Variants in LOC128092253 observed in about 807,000 individuals in gnomAD.
At chr6:133,957,973 C>A in the LOC128092253 span, among the ~76,000 whole-genome samples, 333 of 152,290 alleles carry the variant, frequency 2.2e-3, 8 homozygotes, top group East Asian at 0.047. Context: ...GAAATTCTTT[C>A]TTTCTTTCTG....
At chr6:133,957,414 T>G in the LOC128092253 span, among the ~76,000 whole-genome samples, 1 of 152,238 alleles carries the variant, frequency 6.6e-6, no homozygotes, top group African/African-American at 2.4e-5. Context: ...GACATCTGTG[T>G]GTAGACATTG....
the LOC128092253 span, among the ~76,000 whole-genome samples, chr6:133,974,415 C>T: frequency 6.6e-6 from 1 of 152,154 alleles, no homozygotes; most frequent in African/African-American, 2.4e-5. Context: ...CTCACTGCAA[C>T]CTCCGCCTCC....
chr6:133,962,619 AATATGG>A, the LOC128092253 span, among the ~76,000 whole-genome samples: 1 of 152,168 alleles, frequency 6.6e-6, no homozygotes, highest in East Asian at 1.9e-4. Context: ...GATGATTGGG[AATATGG>A]ATTCAGATAT....
At chr6:133,976,955 G>A in the LOC128092253 span, among the ~76,000 whole-genome samples, 1 of 147,506 alleles carries the variant, frequency 6.8e-6, no homozygotes, top group African/African-American at 2.5e-5. Context: ...GCAACAAAGC[G>A]AGACTTGGTC....
chr6:133,978,160 A>G, the LOC128092253 span, among the ~76,000 whole-genome samples: 4 of 152,208 alleles, frequency 2.6e-5, no homozygotes, highest in Admixed American at 2.6e-4. Flanking sequence ...AGCCTAGCAG[A>G]AAACCTGCTG....
At chr6:133,975,806 A>G in the LOC128092253 span, among the ~76,000 whole-genome samples, 3 of 152,206 alleles carry the variant, frequency 2.0e-5, no homozygotes, top group Non-Finnish European at 4.4e-5. Flanking sequence ...GGAGGATGTG[A>G]TTTGGAAGAA....
At chr6:133,975,773 G>T in the LOC128092253 span, among the ~76,000 whole-genome samples, 3 of 152,298 alleles carry the variant, frequency 2.0e-5, no homozygotes, top group South Asian at 6.2e-4. Context: ...GAAAGTAGAG[G>T]CTTTCTCTGG....
chr6:133,961,387 C>T, the LOC128092253 span, among the ~76,000 whole-genome samples: 1 of 151,942 alleles, frequency 6.6e-6, no homozygotes, highest in Non-Finnish European at 1.5e-5. Flanking sequence ...TGCCCTCTGC[C>T]GGGTTGCTCT....
the LOC128092253 span, among the ~76,000 whole-genome samples, chr6:133,962,041 C>T: frequency 6.6e-6 from 1 of 152,008 alleles, no homozygotes; most frequent in African/African-American, 2.4e-5. Flanking sequence ...TAAAAGTTTC[C>T]TAGTTGAAGG....
the LOC128092253 span, among the ~76,000 whole-genome samples, chr6:133,971,683 C>T: frequency 2.6e-5 from 4 of 151,804 alleles, no homozygotes; most frequent in Non-Finnish European, 5.9e-5. Context: ...CCTTATGATA[C>T]GTGATGTTGA....
At chr6:133,970,665 G>A in the LOC128092253 span, among the ~76,000 whole-genome samples, 116 of 151,078 alleles carry the variant, frequency 7.7e-4, 1 homozygote, top group African/African-American at 2.7e-3. Flanking sequence ...CTGGAATGCC[G>A]TGGTGCCATG....
chr6:133,958,758 A>G, the LOC128092253 span, among the ~76,000 whole-genome samples: 2 of 152,068 alleles, frequency 1.3e-5, no homozygotes. Context: ...TAAAATATAT[A>G]CTATAGAGGT....
chr6:133,973,046 T>C, the LOC128092253 span, among the ~76,000 whole-genome samples: 2 of 152,206 alleles, frequency 1.3e-5, no homozygotes, highest in Non-Finnish European at 2.9e-5. Context: ...AGAACATCGT[T>C]CTAAAAGGCA....
the LOC128092253 span, among the ~76,000 whole-genome samples, chr6:133,963,872 T>C: frequency 0.47 from 56,599 of 120,798 alleles, 13,371 homozygotes; most frequent in Non-Finnish European, 0.6. Flanking sequence ...CTACTAAAAA[T>C]ACAAAAAAAA....
At chr6:133,973,181 G>C in the LOC128092253 span, among the ~76,000 whole-genome samples, 115 of 152,314 alleles carry the variant, frequency 7.6e-4, no homozygotes, top group African/African-American at 2.6e-3. Flanking sequence ...TAAAGGATGT[G>C]AGGTTACTTT....
chr6:133,979,611 T>G, the LOC128092253 span, among the ~76,000 whole-genome samples: 7 of 152,330 alleles, frequency 4.6e-5, no homozygotes, highest in East Asian at 1.3e-3. Flanking sequence ...TTAGCTTTTT[T>G]AAAAATGACA....
At chr6:133,958,041 T>C in the LOC128092253 span, among the ~76,000 whole-genome samples, 2,533 of 152,340 alleles carry the variant, frequency 0.017, 24 homozygotes, top group Non-Finnish European at 0.026. Flanking sequence ...AAGTACTTTT[T>C]TTAAGTTTTG....
chr6:133,976,280 T>C, the LOC128092253 span, among the ~76,000 whole-genome samples: 1 of 152,226 alleles, frequency 6.6e-6, no homozygotes. Context: ...GTTAAGAGTT[T>C]GAAATGTTCG....
At chr6:133,961,261 C>G in the LOC128092253 span, among the ~76,000 whole-genome samples, 1 of 152,058 alleles carries the variant, frequency 6.6e-6, no homozygotes, top group East Asian at 1.9e-4. Flanking sequence ...GACCAAATGC[C>G]AGCAATTCAG....
Sources: allele counts gnomAD v4.1 joint callset (sites outside exome capture counted in the v4.1 genomes callset), GRCh38; gene constraint gnomAD v4.1.1; transcripts MANE v1.5.